The following PDE11A variants were observed in gnomAD, a reference collection of about 807,000 sequenced individuals.
PDE11A encodes dual 3',5'-cyclic-AMP and -GMP phosphodiesterase 11A.
In PDE11A, 100 loss-of-function variants were observed where a neutral mutation model predicts 100.5. The ratio of observed to expected loss-of-function variants is 1.00; its 90% CI spans 0.85 to 1.18. PDE11A has a LOEUF of 1.18. Among genes scored for constraint, PDE11A ranks in the 50% most tolerant of loss-of-function variants. The pLI is 0.00. For missense variants in PDE11A, 1,141 were observed against 1,152.6 expected (o/e 0.99, Z 0.15); for synonymous variants, 381 against 420.8 (o/e 0.91, Z 1.16).
chr2:177,680,861 G>A lies in PDE11A; in HGVS notation c.2388C>T (p.Tyr796=), dbSNP rs61745593. 4.1e-3 allele frequency: 6,581 copies of A among 1,592,232 alleles called. 224 individuals are homozygous for A. The African/African-American group carries it at 0.077, about 19-fold the overall frequency. ...EFFELVSKGE[Y]DWNIKNHRDI... ...CACGATGGTTTTTGATGTTCCAATC[G>A]TATTCTCCTTTACTGACAAGTTCAA... Residue 796 remains tyrosine, a synonymous_variant, in exon 16 of 20, where the codon TAC becomes TAT. Transcript: ENST00000286063.
chr2:178,046,044 T>A (rs1407014659), intron 1 of PDE11A, among the ~76,000 whole-genome samples: 1 of 152,188 alleles, frequency 6.6e-6, no homozygotes, highest in African/African-American at 2.4e-5. Flanking sequence ...CTTGGGAAAG[T>A]TACTAAACCT....
At chr2:178,022,479 CG>C (rs1559045080) in intron 1 of PDE11A, among the ~76,000 whole-genome samples, 4 of 16,524 alleles carry the variant, frequency 2.4e-4, no homozygotes, top group East Asian at 7.7e-3. Flanking sequence ...CAGACATAGA[CG>C]ATTTTTTTTT....
At chr2:177,960,132 G>C (rs996496829) in intron 2 of PDE11A, among the ~76,000 whole-genome samples, 5 of 151,472 alleles carry the variant, frequency 3.3e-5, no homozygotes, top group African/African-American at 1.2e-4. Context: ...TTTCCCCGTC[G>C]CTTAAAGTTT....
Position 177,853,714 on chromosome 2 carries a change from T to TGTGTGTTTG in PDE11A, c.1368-13332_1368-13331insCAAACACAC, listed in dbSNP as rs1558974124. Among the ~76,000 whole-genome samples the TGTGTGTTTG allele has an allele frequency of 1.8e-4, 3 of 16,296 alleles. No individual in the cohort carries two copies. The East Asian group carries it at 8.8e-3, about 48-fold the overall frequency. 10.7% of individuals were successfully genotyped at this position (16,296 alleles called of 152,430 possible). ...TGTGTGTGTGTGTGTGTGTGTGTGT[T>TGTGTGTTTG]TGTGTGTGTGTGTGTGTATATCTAT... On this transcript the variant is annotated intron_variant, in intron 5 of 19. Transcript: ENST00000286063.
intron 2 of PDE11A, among the ~76,000 whole-genome samples, chr2:178,000,778 G>A (rs1465008000): frequency 1.3e-5 from 2 of 152,122 alleles, no homozygotes; most frequent in Non-Finnish European, 2.9e-5. Flanking sequence ...ATGCCACAAG[G>A]CAATGTAATT....
intron 2 of PDE11A, among the ~76,000 whole-genome samples, chr2:177,953,769 G>A (rs1440710816): frequency 2.0e-5 from 3 of 152,064 alleles, no homozygotes; most frequent in African/African-American, 7.2e-5. Flanking sequence ...CATCCCTGAG[G>A]TGAACATGAG....
At chr2:178,054,069 A>G (rs2086866043) in intron 1 of PDE11A, among the ~76,000 whole-genome samples, 1 of 152,200 alleles carries the variant, frequency 6.6e-6, no homozygotes, top group African/African-American at 2.4e-5. Flanking sequence ...CCTAAGCCAA[A>G]AGAACAAAGC....
chr2:177,830,183 C>G (rs946314626), intron 6 of PDE11A, among the ~76,000 whole-genome samples: 2 of 152,158 alleles, frequency 1.3e-5, no homozygotes, highest in African/African-American at 4.8e-5. Context: ...AAAAAGAACG[C>G]CAAGATCCAA....
Position 177,879,167 on chromosome 2 carries a change from A to T in PDE11A, c.1303-3244T>A, listed in dbSNP as rs114670943. ...TGCAAATCTGATAGCAATACAAATA[A>T]ATTTTATCCAAGTAAAGATGCAAAT... On this transcript the variant is annotated intron_variant, in intron 4 of 19. Coordinates refer to ENST00000286063, the MANE Select transcript of PDE11A (RefSeq NM_016953.4). Among the ~76,000 whole-genome samples the T allele has an allele frequency of 2.1e-3, 320 of 152,308 alleles. 1 individual carries two copies. The highest frequency in any genetic ancestry group is 6.7e-3 in the African/African-American group (280 of 41,580).
chr2:177,707,766 C>T (rs1375216781), intron 13 of PDE11A, among the ~76,000 whole-genome samples: 1 of 152,110 alleles, frequency 6.6e-6, no homozygotes, highest in Admixed American at 6.5e-5. Context: ...ACTGTTGGTC[C>T]CAACAGCTGA....
At chr2:177,977,774 A>G (rs1161737362) in intron 2 of PDE11A, among the ~76,000 whole-genome samples, 1 of 146,752 alleles carries the variant, frequency 6.8e-6, no homozygotes, top group Non-Finnish European at 1.5e-5. Context: ...AATGCCGCAT[A>G]TCTACAACTA....
chr2:177,940,574 C>T (rs986047919), intron 2 of PDE11A, among the ~76,000 whole-genome samples: 1 of 152,072 alleles, frequency 6.6e-6, no homozygotes, highest in African/African-American at 2.4e-5. Flanking sequence ...CTAGCTAATA[C>T]CATTATCAAT....
intron 4 of PDE11A, among the ~76,000 whole-genome samples, chr2:177,880,130 G>A (rs543628430): frequency 6.6e-6 from 1 of 152,324 alleles, no homozygotes; most frequent in South Asian, 2.1e-4. Flanking sequence ...GGAAAGAACT[G>A]AACCTTCCCT....
rs1320350515 is a variant in PDE11A, at chr2:177,627,004, A to T, written c.*2403T>A. 12 of 35,602 alleles carry T rather than the reference A, an allele frequency of 3.4e-4. No individual in the cohort carries two copies. The highest frequency in any genetic ancestry group is 6.4e-4 in the African/African-American group (5 of 7,786). The allele number at this position is 35,602 out of a possible 1,614,324, so 2.2% of individuals were successfully genotyped here. A position where few individuals can be genotyped will look rare whatever the true frequency, so the allele number is the denominator to read the frequency against. ...TTCTTCTTGCTTTTATTCCCCTCTT[A>T]GTCTGGTTTATACTTTTTTTTTTTT... is the stretch of plus-strand genomic sequence containing the variant. On this transcript the variant is annotated 3_prime_UTR_variant, in exon 20 of 20. Transcript: ENST00000286063.
chr2:177,669,691 GTAAGTATAT>G (rs2080647770), intron 17 of PDE11A, 124 bp from the exon 18 acceptor site: 1 of 709,512 alleles, frequency 1.4e-6, no homozygotes, highest in African/African-American at 1.7e-5. Context: ...TTATGAGGAA[GTAAGTATAT>G]TAACCTTTCA....
intron 12 of PDE11A, among the ~76,000 whole-genome samples, chr2:177,717,637 G>T (rs1264743984): frequency 6.6e-6 from 1 of 152,014 alleles, no homozygotes; most frequent in Non-Finnish European, 1.5e-5. Context: ...GTCAGCCAGG[G>T]CATATAAACC....
intron 2 of PDE11A, among the ~76,000 whole-genome samples, chr2:178,086,761 T>G (rs1342222361): frequency 6.6e-6 from 1 of 152,184 alleles, no homozygotes; most frequent in Non-Finnish European, 1.5e-5. Flanking sequence ...TAAAAGTGTA[T>G]GAATCTGGCC....
intron 19 of PDE11A, among the ~76,000 whole-genome samples, chr2:177,633,143 T>C (rs6708473): frequency 0.015 from 2,330 of 152,370 alleles, 56 homozygotes; most frequent in African/African-American, 0.053. Flanking sequence ...CAGGGTTATA[T>C]CCCTGGTCCC....
In PDE11A at chr2:177,960,000, A is replaced by G. The variant is rs931209828; in HGVS notation, c.1071+54302T>C. Among the ~76,000 whole-genome samples, 11 of 152,318 alleles carry G rather than the reference A, an allele frequency of 7.2e-5. No homozygotes were observed. In the East Asian group the frequency reaches 1.3e-3, roughly 19 times the overall value. Reference sequence around the variant, plus strand: ...TAGCTAAGCATTAATCCCAGCTTACACAGCAATGTCCTTGCTTACTGATAC... The same window carrying G: ...TAGCTAAGCATTAATCCCAGCTTACGCAGCAATGTCCTTGCTTACTGATAC... On this transcript the variant is annotated intron_variant, in intron 2 of 19. Coordinates refer to ENST00000286063, the MANE Select transcript of PDE11A (RefSeq NM_016953.4).
Sources: allele counts gnomAD v4.1 joint callset (sites outside exome capture counted in the v4.1 genomes callset), GRCh38; gene constraint gnomAD v4.1.1; transcripts MANE v1.5; gene names NCBI Gene and HGNC (gene_info 2026-07-23, HGNC 2026-07-21).